Variants in LRMDA observed in about 807,000 individuals in gnomAD.
LRMDA encodes the protein leucine rich melanocyte differentiation associated, also known as leucine-rich melanocyte differentiation-associated protein.
Under a neutral mutation model 29.8 loss-of-function variants are expected in LRMDA, and 18 were observed. The observed-to-expected ratio is 0.60, with a 90% CI of 0.42 to 0.90. The LOEUF (loss-of-function observed/expected upper bound fraction) is 0.90, where lower values mean the gene tolerates loss of function less well. LRMDA is among the 40% of genes least tolerant of loss of function. The pLI is 0.00. For synonymous variants in LRMDA, 125 were observed against 109.4 expected (o/e 1.14, Z -0.89); for missense variants, 273 against 273.9 (o/e 1.00, Z 0.02).
intron 2 of LRMDA, among the ~76,000 whole-genome samples, chr10:75,627,740 A>G (rs1199739987): frequency 6.6e-6 from 1 of 152,234 alleles, no homozygotes; most frequent in Non-Finnish European, 1.5e-5. Flanking sequence ...CTGAAGCCCC[A>G]GGCACCTGCT....
At position 75,590,672 on chromosome 10, in the gene LRMDA, A is replaced by G. The variant is rs1262750533; in HGVS notation, c.131+152178A>G. Among the ~76,000 whole-genome samples the G allele has an allele frequency of 2.8e-5, 4 of 143,814 alleles. No homozygotes were observed. In the East Asian group the frequency reaches 6.1e-4, roughly 22 times the overall value. 94.3% of individuals were successfully genotyped at this position (143,814 alleles called of 152,430 possible). A position where few individuals can be genotyped will look rare whatever the true frequency, so the allele number is the denominator to read the frequency against. On this transcript the variant is annotated intron_variant, in intron 2 of 6. Coordinates refer to ENST00000611255, the MANE Select transcript of LRMDA (RefSeq NM_001305581.2). ...TATGGCATTTAATAATGCCTTAAAT[A>G]TTTTTTTTAAGACTTGAGATGTACC... is the stretch of plus-strand genomic sequence containing the variant.
At chr10:75,527,065 A>G (rs967132983) in intron 2 of LRMDA, among the ~76,000 whole-genome samples, 24 of 152,060 alleles carry the variant, frequency 1.6e-4, no homozygotes, top group African/African-American at 5.8e-4. Context: ...GCAACCACTA[A>G]TCTGCTTTCT....
chr10:76,486,237 G>A lies in LRMDA; in HGVS notation c.602-70972G>A, dbSNP rs77312680. 4.5e-3 allele frequency among the ~76,000 whole-genome samples: 682 copies of A among 151,874 alleles called. 1 individual carries two copies. Among genetic ancestry groups the A allele is most frequent in the African/African-American group, 0.015 (635 of 41,486 alleles). On this transcript the variant is annotated intron_variant, in intron 6 of 6. Coordinates refer to ENST00000611255, the MANE Select transcript of LRMDA (RefSeq NM_001305581.2). Reference sequence around the variant, plus strand: ...CAATCCACCCAGTGATATCCATACCGCAAGTTCTGTTTTGCCTTCTGTAGG... The same window carrying A: ...CAATCCACCCAGTGATATCCATACCACAAGTTCTGTTTTGCCTTCTGTAGG...
intron 2 of LRMDA, among the ~76,000 whole-genome samples, chr10:75,621,228 A>C (rs12766611): frequency 3.7e-5 from 5 of 134,278 alleles, no homozygotes; most frequent in African/African-American, 8.0e-5. Flanking sequence ...ACACACACCC[A>C]CACACCCACA....
intron 2 of LRMDA, among the ~76,000 whole-genome samples, chr10:75,463,731 G>A (rs1439234747): frequency 4.6e-5 from 7 of 151,986 alleles, no homozygotes; most frequent in African/African-American, 1.5e-4. Context: ...GCAATGGCGC[G>A]ATCTTGGCTC....
chr10:76,439,457 A>G (rs1476294735), intron 6 of LRMDA, among the ~76,000 whole-genome samples: 1 of 152,178 alleles, frequency 6.6e-6, no homozygotes, highest in Non-Finnish European at 1.5e-5. Flanking sequence ...TGATTCAAAA[A>G]CACCATTCTC....
intron 6 of LRMDA, among the ~76,000 whole-genome samples, chr10:76,472,551 G>C (rs1281372844): frequency 6.6e-6 from 1 of 151,466 alleles, no homozygotes. Context: ...ACCATAAAGA[G>C]CAGAAGTTAA....
intron 2 of LRMDA, among the ~76,000 whole-genome samples, chr10:75,559,557 T>G (rs1236368894): frequency 6.7e-6 from 1 of 149,102 alleles, no homozygotes; most frequent in African/African-American, 2.4e-5. Context: ...TTAGTCAATT[T>G]TGGCTTTTGT....
intron 5 of LRMDA, among the ~76,000 whole-genome samples, chr10:76,155,677 C>A (rs932091330): frequency 6.6e-6 from 1 of 152,130 alleles, no homozygotes. Flanking sequence ...TACTAGACAG[C>A]TGCCCTAGAG....
chr10:76,205,806 G>A (rs1851523662), intron 5 of LRMDA, among the ~76,000 whole-genome samples: 1 of 152,026 alleles, frequency 6.6e-6, no homozygotes, highest in African/African-American at 2.4e-5. Flanking sequence ...CTGTTGTGAA[G>A]TAACTCTTGG....
At chr10:75,783,562 G>C (rs1843421250) in intron 2 of LRMDA, among the ~76,000 whole-genome samples, 1 of 151,218 alleles carries the variant, frequency 6.6e-6, no homozygotes, top group Admixed American at 6.6e-5. Context: ...GCATGCTGTT[G>C]TAGAAATAGA....
intron 2 of LRMDA, among the ~76,000 whole-genome samples, chr10:75,637,920 C>T (rs1201089970): frequency 6.6e-6 from 1 of 152,224 alleles, no homozygotes; most frequent in Non-Finnish European, 1.5e-5. Flanking sequence ...TGAATCCTCT[C>T]TCATTAAGTG....
At chr10:75,711,405 G>T (rs976937500) in intron 2 of LRMDA, among the ~76,000 whole-genome samples, 3 of 152,122 alleles carry the variant, frequency 2.0e-5, no homozygotes, top group Non-Finnish European at 4.4e-5. Context: ...TGCTTTGCAG[G>T]TACCTCCCAA....
chr10:76,364,809 A>G (rs556536659), intron 6 of LRMDA, among the ~76,000 whole-genome samples: 9 of 151,662 alleles, frequency 5.9e-5, no homozygotes, highest in Admixed American at 1.3e-4. Context: ...TCACCCATGT[A>G]TACACTGCAC....
At chr10:76,065,221 A>G (rs944230104) in intron 5 of LRMDA, among the ~76,000 whole-genome samples, 3 of 152,224 alleles carry the variant, frequency 2.0e-5, no homozygotes, top group Admixed American at 1.3e-4. Flanking sequence ...CCTCAAGCAA[A>G]TGCTTTTGGA....
At chr10:75,907,473 T>A (rs1845776423) in intron 2 of LRMDA, among the ~76,000 whole-genome samples, 1 of 152,210 alleles carries the variant, frequency 6.6e-6, no homozygotes, top group Non-Finnish European at 1.5e-5. Context: ...TTGGCAGCTG[T>A]TCATGTTATT....
At chr10:76,048,124 G>A (rs1486216429) in intron 4 of LRMDA, among the ~76,000 whole-genome samples, 1 of 151,968 alleles carries the variant, frequency 6.6e-6, no homozygotes, top group Non-Finnish European at 1.5e-5. Context: ...TATGACATAA[G>A]CTCTCATTAA....
intron 4 of LRMDA, among the ~76,000 whole-genome samples, chr10:76,051,420 G>A (rs1848529956): frequency 6.6e-6 from 1 of 152,232 alleles, no homozygotes; most frequent in South Asian, 2.1e-4. Flanking sequence ...GCCTCTGCCA[G>A]TTGTCAGGCA....
At chr10:75,840,448 T>A (rs958365158) in intron 2 of LRMDA, among the ~76,000 whole-genome samples, 9 of 152,238 alleles carry the variant, frequency 5.9e-5, no homozygotes, top group African/African-American at 1.9e-4. Context: ...TGTAGAGTTT[T>A]CACTTAGGGA....
Sources: allele counts gnomAD v4.1 joint callset (sites outside exome capture counted in the v4.1 genomes callset), GRCh38; gene constraint gnomAD v4.1.1; transcripts MANE v1.5; gene names NCBI Gene and HGNC (gene_info 2026-07-23, HGNC 2026-07-21).